The following ADAMTSL1 variants were observed in gnomAD, a reference collection of about 807,000 sequenced individuals.
The protein encoded by ADAMTSL1 is ADAMTS like 1.
A neutral mutation model predicts 201.8 loss-of-function variants in ADAMTSL1; 126 were observed. The ratio of observed to expected loss-of-function variants is 0.62; its 90% CI spans 0.54 to 0.72. ADAMTSL1 has a LOEUF of 0.72. ADAMTSL1 is among the 30% of genes least tolerant of loss of function. The probability of loss-of-function intolerance (pLI) is 0.00; values close to 1 mark genes in which losing one functional copy is unlikely to be tolerated. For missense variants in ADAMTSL1, 2,679 were observed against 2,277.8 expected (o/e 1.18, Z -3.59); for synonymous variants, 1,121 against 903.4 (o/e 1.24, Z -4.32).
chr9:18,791,766 T>C (rs536344076), intron 19 of ADAMTSL1, among the ~76,000 whole-genome samples: 16 of 152,360 alleles, frequency 1.1e-4, no homozygotes, highest in East Asian at 3.9e-4. Flanking sequence ...ATAGTGTTTA[T>C]GGAATAATAG....
intron 5 of ADAMTSL1, among the ~76,000 whole-genome samples, chr9:18,628,709 G>T (rs1776082180): frequency 6.6e-6 from 1 of 152,046 alleles, no homozygotes; most frequent in Admixed American, 6.5e-5. Flanking sequence ...AATCTATAAG[G>T]TATGAGAATT....
chr9:18,330,506 T>C (rs1230019631), intron 2 of ADAMTSL1, among the ~76,000 whole-genome samples: 1 of 152,096 alleles, frequency 6.6e-6, no homozygotes, highest in Non-Finnish European at 1.5e-5. Context: ...TTGCTTTCCA[T>C]GTGGATGCCC....
intron 14 of ADAMTSL1, among the ~76,000 whole-genome samples, chr9:18,717,070 C>G (rs1006719556): frequency 2.1e-5 from 3 of 143,622 alleles, no homozygotes; most frequent in African/African-American, 7.7e-5. Flanking sequence ...GAACATCACA[C>G]TCTGGGGACT....
intron 2 of ADAMTSL1, among the ~76,000 whole-genome samples, chr9:18,443,489 G>A (rs1820074537): frequency 6.6e-6 from 1 of 152,134 alleles, no homozygotes; most frequent in Non-Finnish European, 1.5e-5. Flanking sequence ...TTCTTCTCAG[G>A]GTTTTATCTT....
chr9:17,984,197 A>T (rs79523000), intron 1 of ADAMTSL1, among the ~76,000 whole-genome samples: 6,543 of 152,198 alleles, frequency 0.043, 206 homozygotes, highest in Non-Finnish European at 0.069. Flanking sequence ...TTAAAATAGA[A>T]TTTTTCCTAA....
chr9:18,801,251 T>G (rs182567463), intron 20 of ADAMTSL1, among the ~76,000 whole-genome samples: 212 of 152,356 alleles, frequency 1.4e-3, no homozygotes, highest in African/African-American at 4.9e-3. Flanking sequence ...AAAATCAGGT[T>G]AAAACTATTT....
intron 19 of ADAMTSL1, among the ~76,000 whole-genome samples, chr9:18,782,328 T>G (rs10811031): frequency 0.11 from 17,172 of 152,282 alleles, 1,178 homozygotes; most frequent in East Asian, 0.27. Flanking sequence ...AATATTGTGA[T>G]AAATGAAACT....
chr9:18,808,094 T>C (rs1823277527), intron 20 of ADAMTSL1, among the ~76,000 whole-genome samples: 1 of 152,064 alleles, frequency 6.6e-6, no homozygotes, highest in African/African-American at 2.4e-5. Context: ...TCTAGTGGTG[T>C]CTCAAAAGAT....
intron 2 of ADAMTSL1, among the ~76,000 whole-genome samples, chr9:18,400,288 T>C (rs1817936820): frequency 6.6e-6 from 1 of 152,208 alleles, no homozygotes; most frequent in African/African-American, 2.4e-5. Flanking sequence ...TTTCAGTTGG[T>C]GATATCTCTT....
At chr9:18,713,638 A>C (rs1450796439) in intron 14 of ADAMTSL1, among the ~76,000 whole-genome samples, 2 of 150,716 alleles carry the variant, frequency 1.3e-5, no homozygotes, top group Admixed American at 6.6e-5. Context: ...AGACTCCCAC[A>C]CAATAATAAT....
intron 2 of ADAMTSL1, among the ~76,000 whole-genome samples, chr9:18,176,370 C>T (rs981471930): frequency 1.3e-5 from 2 of 152,010 alleles, no homozygotes; most frequent in African/African-American, 4.8e-5. Flanking sequence ...GAGTATATAT[C>T]ATTTATTGAT....
intron 2 of ADAMTSL1, among the ~76,000 whole-genome samples, chr9:18,390,811 A>G (rs1838014566): frequency 6.6e-6 from 1 of 152,202 alleles, no homozygotes; most frequent in African/African-American, 2.4e-5. Flanking sequence ...ACAAAACAAA[A>G]AAAAACACCA....
intron 1 of ADAMTSL1, among the ~76,000 whole-genome samples, chr9:17,955,428 A>C (rs1362879586): frequency 1.3e-5 from 2 of 152,156 alleles, no homozygotes; most frequent in Non-Finnish European, 2.9e-5. Context: ...AATTCTAATA[A>C]AATTCCAAAT....
chr9:18,093,241 C>G (rs1376784913), intron 1 of ADAMTSL1, among the ~76,000 whole-genome samples: 4 of 152,002 alleles, frequency 2.6e-5, no homozygotes, highest in African/African-American at 9.7e-5. Context: ...CAGTATTTTT[C>G]AAAGGAACAG....
intron 2 of ADAMTSL1, among the ~76,000 whole-genome samples, chr9:18,277,875 T>C (rs1832644370): frequency 6.6e-6 from 1 of 152,210 alleles, no homozygotes; most frequent in South Asian, 2.1e-4. Context: ...ATTATTCCTC[T>C]CTTGTTGTCT....
chr9:18,331,626 C>T (rs982177850), intron 2 of ADAMTSL1, among the ~76,000 whole-genome samples: 1 of 152,112 alleles, frequency 6.6e-6, no homozygotes, highest in African/African-American at 2.4e-5. Flanking sequence ...TTGAACTATC[C>T]ATTAGAGCAA....
intron 1 of ADAMTSL1, among the ~76,000 whole-genome samples, chr9:17,935,079 G>A (rs566214865): frequency 1.3e-5 from 2 of 151,970 alleles, no homozygotes; most frequent in Admixed American, 6.6e-5. Flanking sequence ...AACTTTCACA[G>A]TATTACTCCT....
At chr9:17,927,595 T>C (rs535848074) in intron 1 of ADAMTSL1, among the ~76,000 whole-genome samples, 1 of 152,170 alleles carries the variant, frequency 6.6e-6, no homozygotes, top group Admixed American at 6.5e-5. Flanking sequence ...AAACAGATGG[T>C]TGCATCTGTA....
intron 23 of ADAMTSL1, among the ~76,000 whole-genome samples, chr9:18,859,239 G>A (rs1002908428): frequency 7.2e-5 from 11 of 152,106 alleles, no homozygotes; most frequent in East Asian, 1.9e-4. Context: ...GAGGCTCTAC[G>A]GGGAAATATA....
Sources: allele counts gnomAD v4.1 joint callset (sites outside exome capture counted in the v4.1 genomes callset), GRCh38; gene constraint gnomAD v4.1.1; transcripts MANE v1.5; gene names NCBI Gene and HGNC (gene_info 2026-07-23, HGNC 2026-07-21).